The following TRAPPC6B variants were observed in gnomAD, a reference collection of about 807,000 sequenced individuals.
TRAPPC6B encodes trafficking protein particle complex subunit 6B.
In TRAPPC6B, 27 loss-of-function variants were observed where a neutral mutation model predicts 24.7. The observed-to-expected ratio is 1.09, with a 90% CI of 0.81 to 1.51. The LOEUF is 1.51. Ranked by LOEUF, TRAPPC6B falls within the 40% of genes most tolerant of loss-of-function variation. The probability of loss-of-function intolerance (pLI) is 0.00; values close to 1 mark genes in which losing one functional copy is unlikely to be tolerated. For synonymous variants in TRAPPC6B, 80 were observed against 66.6 expected, an observed-to-expected ratio of 1.20 and a Z score of -0.98; for missense variants, 212 against 190.8, an observed-to-expected ratio of 1.11 and a Z score of -0.66.
rs2052950710 is a variant in TRAPPC6B, at chr14:39,154,297, G to A, written c.268-3C>T. On this transcript the variant is annotated splice_polypyrimidine_tract_variant and splice_region_variant and intron_variant, in intron 3 of 5. Transcript: ENST00000330149. ...TTGTCCTGAAGTACATAGATGCCCT[G>A]TTCCAAAAATAGAAAAAAAATCCAA... The A allele has an allele frequency of 1.2e-6, 2 of 1,602,418 alleles. No homozygotes were observed. Among genetic ancestry groups the A allele is most frequent in the Middle Eastern group, 1.7e-4 (1 of 6,040 alleles).
intron 4 of TRAPPC6B, among the ~76,000 whole-genome samples, chr14:39,152,917 A>G (rs914664035): frequency 6.6e-6 from 1 of 152,186 alleles, no homozygotes; most frequent in Non-Finnish European, 1.5e-5. Flanking sequence ...CTATAATCCC[A>G]GCACTTTGGG....
Position 39,154,232 on chromosome 14 carries a change from C to T in TRAPPC6B, c.330G>A (p.Gln110=), listed in dbSNP as rs560743973. The part of the protein sequence containing the change: ...RLLTQMSAGK[Q]YLEHASKYLA... ...ATACCTTAGATGCATGTTCTAAATA[C>T]TGTTTTCCTGCAGACATCTGAGTAA... The change falls in exon 4 of 6, where the codon CAG becomes CAA. Residue 110 remains glutamine (Q), a synonymous_variant. Coordinates refer to ENST00000330149, the MANE Select transcript of TRAPPC6B (RefSeq NM_001079537.2). 5.6e-6 allele frequency: 9 copies of T among 1,612,420 alleles called. No individual in the cohort carries two copies. In the South Asian group the frequency reaches 7.7e-5, roughly 14 times the overall value.
Position 39,158,333 on chromosome 14 carries a change from C to A in TRAPPC6B, c.219G>T (p.Trp73Cys), listed in dbSNP as rs1364164866. ...DIMKFICKDF[W>C]TTVFKKQIDN... ...CGATTTGTTTCTTGAATACCGTAGT[C>A]CAAAAATCTTTACAAATGAACTTCA... The change falls in exon 3 of 6, where the codon TGG becomes TGT. Residue 73 changes from tryptophan (W) to cysteine (C), a missense_variant. Transcript: ENST00000330149. 1.2e-6 allele frequency: 2 copies of A among 1,603,702 alleles called. No homozygotes were observed. The highest frequency in any genetic ancestry group is 1.7e-6 in the Non-Finnish European group (2 of 1,177,728).
intron 1 of TRAPPC6B, among the ~76,000 whole-genome samples, chr14:39,160,807 C>T (rs771209132): frequency 1.3e-5 from 2 of 152,018 alleles, no homozygotes; most frequent in Non-Finnish European, 2.9e-5. Flanking sequence ...TAGTAACAGC[C>T]GATGTTGGTA....
At position 39,164,913 on chromosome 14, in the gene TRAPPC6B, G is replaced by T. The variant is rs2053092765; in HGVS notation, c.81+5102C>A. Among the ~76,000 whole-genome samples, 3 of 152,246 alleles carry T rather than the reference G, an allele frequency of 2.0e-5. No homozygotes were observed. The South Asian group carries it at 6.2e-4, about 32-fold the overall frequency. On this transcript the variant is annotated intron_variant, in intron 1 of 5. Transcript: ENST00000330149. ...CATCATGGTATGTCCTTTCCTTAAA[G>T]ACTCCTGGCTAGTTAACCAAATTCA...
chr14:39,157,658 C>T, intron 3 of TRAPPC6B: 1 of 338,102 alleles, frequency 3.0e-6, no homozygotes, highest in Non-Finnish European at 5.8e-6. Flanking sequence ...AAGACCCGCA[C>T]CACTGTCGCC....
rs1399383308 is a variant in TRAPPC6B at position 39,148,209 on chromosome 14, T to A, written c.*2141A>T. The A allele has an allele frequency of 6.5e-6, 1 of 153,874 alleles. No homozygotes were observed. Among genetic ancestry groups the A allele is most frequent in the African/African-American group, 2.4e-5 (1 of 41,550 alleles). 9.5% of individuals were successfully genotyped at this position (153,874 alleles called of 1,614,324 possible). A position where few individuals can be genotyped will look rare whatever the true frequency, so the allele number is the denominator to read the frequency against. ...AAACATCCATATCACATATCTTCACTGAGAAGCAGAAGAGGGATGCTGGCA... is the reference window on the plus strand; with the variant it reads ...AAACATCCATATCACATATCTTCACAGAGAAGCAGAAGAGGGATGCTGGCA... On this transcript the variant is annotated 3_prime_UTR_variant, in exon 6 of 6. Transcript: ENST00000330149.
In TRAPPC6B at chr14:39,151,820, C is replaced by T. The variant is rs746122503; in HGVS notation, c.371G>A (p.Gly124Asp). The change falls in exon 5 of 6, where the codon GGC (glycine) becomes GAC (aspartate). Residue 124 changes from glycine to aspartate, a missense_variant. Transcript: ENST00000330149. The stretch of plus-strand genomic sequence containing the variant: ...GTTTGATAAGCCACCTCTGATTAAG[C>T]CACACGTAAATGCTAAATACTAAAA... ...HASKYLAFTC[G>D]LIRGGLSNLG... is the part of the protein sequence containing the mutation. 1.2e-6 allele frequency: 2 copies of T among 1,605,672 alleles called. No individual in the cohort carries two copies. The highest frequency in any genetic ancestry group is 1.7e-6 in the Non-Finnish European group (2 of 1,177,356).
At chr14:39,154,974 C>T (rs1025848445) in intron 3 of TRAPPC6B, among the ~76,000 whole-genome samples, 31 of 152,150 alleles carry the variant, frequency 2.0e-4, no homozygotes, top group African/African-American at 6.0e-4. Flanking sequence ...GTTGTCTAGG[C>T]TGGAGTGTGG....
intron 1 of TRAPPC6B, among the ~76,000 whole-genome samples, chr14:39,160,413 A>C (rs1385761918): frequency 6.6e-6 from 1 of 152,104 alleles, no homozygotes; most frequent in Non-Finnish European, 1.5e-5. Flanking sequence ...CCACATCTGT[A>C]CTAAAAGTAA....
chr14:39,169,003 T>C (rs1299015283), intron 1 of TRAPPC6B, among the ~76,000 whole-genome samples: 2 of 152,228 alleles, frequency 1.3e-5, no homozygotes, highest in African/African-American at 2.4e-5. Flanking sequence ...TCACTCTCTA[T>C]TCAGTCTAGT....
intron 1 of TRAPPC6B, among the ~76,000 whole-genome samples, chr14:39,166,726 T>C (rs1435181131): frequency 8.5e-5 from 13 of 152,134 alleles, no homozygotes; most frequent in African/African-American, 2.9e-4. Flanking sequence ...GTAAATAATA[T>C]CACTATTGTA....
chr14:39,165,490 A>C (rs900371952), intron 1 of TRAPPC6B, among the ~76,000 whole-genome samples: 1 of 151,854 alleles, frequency 6.6e-6, no homozygotes, highest in African/African-American at 2.4e-5. Context: ...TATTCTCCAC[A>C]CTTCTCAAAC....
chr14:39,168,263 G>A (rs1230237695), intron 1 of TRAPPC6B, among the ~76,000 whole-genome samples: 1 of 151,672 alleles, frequency 6.6e-6, no homozygotes, highest in African/African-American at 2.4e-5. Flanking sequence ...TAAGAAGGGA[G>A]GGGAGAATGA....
At chr14:39,153,798 G>A (rs1489867748) in intron 4 of TRAPPC6B, among the ~76,000 whole-genome samples, 5 of 149,814 alleles carry the variant, frequency 3.3e-5, no homozygotes, top group South Asian at 2.1e-4. Flanking sequence ...TCTGCCTCCC[G>A]GGTTCAAGTG....
chr14:39,170,034 G>A lies in TRAPPC6B; in HGVS notation c.62C>T (p.Ser21Phe), dbSNP rs918861851. The A allele has an allele frequency of 6.2e-7, 1 of 1,614,024 alleles. No individual in the cohort carries two copies. The highest frequency in any genetic ancestry group is 8.5e-7 in the Non-Finnish European group (1 of 1,180,026). Residue 21 changes from serine to phenylalanine, a missense_variant, in exon 1 of 6, where the codon TCC becomes TTC. Physicochemically the swap from Ser to Phe is radical, Grantham distance 155. Coordinates refer to ENST00000330149, the MANE Select transcript of TRAPPC6B (RefSeq NM_001079537.2). ...ACTCACCACCTCCCCCTGCTCCGCG[G>A]ACTTGTACACTCCAGACACCATCTC... ...HNEMVSGVYK[S>F]AEQGEVENGR...
intron 1 of TRAPPC6B, among the ~76,000 whole-genome samples, chr14:39,165,190 C>T (rs181292205): frequency 0.03 from 4,555 of 151,974 alleles, 235 homozygotes; most frequent in African/African-American, 0.1. Flanking sequence ...GGACTACAGG[C>T]GACCGCCACC....
chr14:39,148,308 C>A lies in TRAPPC6B; in HGVS notation c.*2042G>T. 4.7e-6 allele frequency: 1 copy of A among 212,498 alleles called. No individual in the cohort carries two copies. The highest frequency in any genetic ancestry group is 9.2e-6 in the Non-Finnish European group (1 of 108,420). The allele number at this position is 212,498 out of a possible 1,614,324, so 13.2% of individuals were successfully genotyped here. ...CAAAGCCTTCAGACTTCCTTTGTCTCGTTAGCCTAGATTCCATCAAATGAT... is the reference window on the plus strand; with the variant it reads ...CAAAGCCTTCAGACTTCCTTTGTCTAGTTAGCCTAGATTCCATCAAATGAT... On this transcript the variant is annotated 3_prime_UTR_variant, in exon 6 of 6. Coordinates refer to ENST00000330149, the MANE Select transcript of TRAPPC6B (RefSeq NM_001079537.2).
chr14:39,159,601 G>T, intron 1 of TRAPPC6B, 51 bp from the exon 2 acceptor site: 1 of 1,350,948 alleles, frequency 7.4e-7, no homozygotes, highest in Non-Finnish European at 1.0e-6. Flanking sequence ...TAGGATGTTA[G>T]TATTCAGAAA....
Sources: gnomAD v4.1 joint callset for allele counts (sites outside exome capture counted in the v4.1 genomes callset) on GRCh38, gnomAD v4.1.1 for gene constraint, MANE v1.5 for transcripts, NCBI Gene and HGNC (gene_info 2026-07-23, HGNC 2026-07-21) for gene names.